CHSY3: variants seen among roughly 807,000 people sequenced by gnomAD.
The protein encoded by CHSY3 is chondroitin sulfate synthase 3.
CHSY3 carries 35 observed loss-of-function variants against 67.2 expected under a neutral mutation model. The ratio of observed to expected loss-of-function variants is 0.52; its 90% CI spans 0.40 to 0.69. The LOEUF (loss-of-function observed/expected upper bound fraction) is 0.69. CHSY3 is among the 30% of genes least tolerant of loss of function. CHSY3 has a pLI of 0.00. For missense variants in CHSY3, 1,069 were observed against 1,138.5 expected, an observed-to-expected ratio of 0.94 and a Z score of 0.88; for synonymous variants, 474 against 434.7, an observed-to-expected ratio of 1.09 and a Z score of -1.12.
intron 2 of CHSY3, among the ~76,000 whole-genome samples, chr5:130,132,278 T>G (rs114305323): frequency 0.022 from 3,326 of 152,242 alleles, 120 homozygotes; most frequent in African/African-American, 0.074. Flanking sequence ...AGATAATCTC[T>G]GAAAAAGCAT....
intron 2 of CHSY3, among the ~76,000 whole-genome samples, chr5:129,971,573 C>A (rs889782759): frequency 2.0e-5 from 3 of 151,796 alleles, no homozygotes; most frequent in African/African-American, 7.3e-5. Flanking sequence ...GTATCATGAC[C>A]TCTATTTTAC....
chr5:129,985,280 A>G (rs1054079544), intron 2 of CHSY3, among the ~76,000 whole-genome samples: 1 of 152,166 alleles, frequency 6.6e-6, no homozygotes, highest in Non-Finnish European at 1.5e-5. Context: ...TTGAATAGTG[A>G]GTCCTTTCCC....
intron 2 of CHSY3, among the ~76,000 whole-genome samples, chr5:130,160,879 T>TTTTATTTATTTA (rs1249583766): frequency 2.7e-5 from 4 of 146,834 alleles, no homozygotes; most frequent in African/African-American, 7.9e-5. Context: ...TACTGATCAT[T>TTTTATTTATTTA]TTTATTTATT....
chr5:130,008,271 T>C lies in CHSY3; in HGVS notation c.1086+99911T>C, dbSNP rs1763935777. 2.0e-5 allele frequency among the ~76,000 whole-genome samples: 3 copies of C among 152,078 alleles called. No individual in the cohort carries two copies. In the South Asian group the frequency reaches 6.2e-4, roughly 32 times the overall value. On this transcript the variant is annotated intron_variant, in intron 2 of 2. Transcript: ENST00000305031. ...TGTTGCCAGCAGACTGGGGACACAT[T>C]GGCCCCTCCAGTGATAGCAGGTCAG...
chr5:130,066,570 G>A (rs1765891449), intron 2 of CHSY3, among the ~76,000 whole-genome samples: 1 of 152,106 alleles, frequency 6.6e-6, no homozygotes, highest in African/African-American at 2.4e-5. Flanking sequence ...AAAAAATTAA[G>A]CATAGCATCC....
intron 2 of CHSY3, among the ~76,000 whole-genome samples, chr5:130,098,185 C>T (rs897247396): frequency 1.3e-5 from 2 of 152,058 alleles, no homozygotes; most frequent in African/African-American, 4.8e-5. Flanking sequence ...CTCATGAGAA[C>T]CCTTTATAGC....
intron 2 of CHSY3, among the ~76,000 whole-genome samples, chr5:130,113,985 C>T (rs916024336): frequency 3.9e-5 from 6 of 152,106 alleles, no homozygotes; most frequent in Non-Finnish European, 7.4e-5. Context: ...TACTACTTTT[C>T]TGCTTTATGC....
At chr5:130,144,971 A>G (rs1220967907) in intron 2 of CHSY3, among the ~76,000 whole-genome samples, 1 of 152,180 alleles carries the variant, frequency 6.6e-6, no homozygotes, top group Non-Finnish European at 1.5e-5. Flanking sequence ...AAAAGGGGGA[A>G]CCAGCACTTC....
intron 2 of CHSY3, among the ~76,000 whole-genome samples, chr5:130,124,601 GC>G (rs1317331305): frequency 1.3e-5 from 2 of 151,792 alleles, no homozygotes; most frequent in African/African-American, 4.8e-5. Flanking sequence ...GATTACAGGC[GC>G]CCACCACCAC....
intron 2 of CHSY3, among the ~76,000 whole-genome samples, chr5:130,155,747 A>T: frequency 6.6e-6 from 1 of 152,174 alleles, no homozygotes; most frequent in Non-Finnish European, 1.5e-5. Flanking sequence ...AAAGAGTCAT[A>T]TTGAGGAATA....
At chr5:130,149,603 A>C (rs1332662490) in intron 2 of CHSY3, among the ~76,000 whole-genome samples, 1 of 152,234 alleles carries the variant, frequency 6.6e-6, no homozygotes, top group Non-Finnish European at 1.5e-5. Context: ...ATTGAAATTC[A>C]ACATGAGATT....
At chr5:130,087,417 A>G (rs1392540438) in intron 2 of CHSY3, among the ~76,000 whole-genome samples, 1 of 152,136 alleles carries the variant, frequency 6.6e-6, no homozygotes, top group Non-Finnish European at 1.5e-5. Context: ...GGAAAAGAGG[A>G]AGTCAAATTG....
intron 2 of CHSY3, among the ~76,000 whole-genome samples, chr5:130,110,186 A>G (rs1452917898): frequency 2.0e-5 from 3 of 151,860 alleles, no homozygotes; most frequent in African/African-American, 7.2e-5. Context: ...GTGACTTCAG[A>G]AATGAGCTTG....
chr5:129,996,776 C>G (rs543270399), intron 2 of CHSY3, among the ~76,000 whole-genome samples: 1 of 152,080 alleles, frequency 6.6e-6, no homozygotes, highest in Admixed American at 6.6e-5. Flanking sequence ...CACACACACT[C>G]CTACATCATT....
At chr5:129,921,399 A>G (rs13356198) in intron 2 of CHSY3, among the ~76,000 whole-genome samples, 25,845 of 152,212 alleles carry the variant, frequency 0.17, 2,293 homozygotes, top group Middle Eastern at 0.26. Flanking sequence ...TCCACTAGAT[A>G]AAGAGACGAC....
chr5:130,161,434 C>T (rs2149728388), intron 2 of CHSY3, among the ~76,000 whole-genome samples: 1 of 152,200 alleles, frequency 6.6e-6, no homozygotes, highest in East Asian at 1.9e-4. Context: ...TTTGTGCAAA[C>T]ACCATAAGTT....
At chr5:130,022,422 T>G (rs1375722465) in intron 2 of CHSY3, among the ~76,000 whole-genome samples, 3 of 152,122 alleles carry the variant, frequency 2.0e-5, no homozygotes, top group African/African-American at 4.8e-5. Context: ...ATACCACCAC[T>G]AATAATGTGC....
At chr5:130,101,175 C>A (rs1279276899) in intron 2 of CHSY3, among the ~76,000 whole-genome samples, 1 of 152,174 alleles carries the variant, frequency 6.6e-6, no homozygotes, top group African/African-American at 2.4e-5. Context: ...GCTACAAAAT[C>A]TTGATAAACC....
chr5:130,026,347 A>C (rs1441472479), intron 2 of CHSY3, among the ~76,000 whole-genome samples: 1 of 152,178 alleles, frequency 6.6e-6, no homozygotes, highest in Non-Finnish European at 1.5e-5. Flanking sequence ...AAGTGATTAA[A>C]ATGTAAACTG....
Sources: gnomAD v4.1 joint callset for allele counts (sites outside exome capture counted in the v4.1 genomes callset) on GRCh38, gnomAD v4.1.1 for gene constraint, MANE v1.5 for transcripts, NCBI Gene and HGNC (gene_info 2026-07-23, HGNC 2026-07-21) for gene names.